GLIS1: variants seen among roughly 807,000 people sequenced by gnomAD.
The protein encoded by GLIS1 is GLIS family zinc finger 1, also known as zinc finger protein GLIS1.
A neutral mutation model predicts 63.8 loss-of-function variants in GLIS1; 24 were observed. The ratio of observed to expected loss-of-function variants is 0.38; its 90% CI spans 0.27 to 0.53. The LOEUF (loss-of-function observed/expected upper bound fraction) is 0.53, where lower values mean the gene tolerates loss of function less well. Among genes scored for constraint, GLIS1 ranks in the 20% least tolerant of loss-of-function variants. The probability of loss-of-function intolerance (pLI) is 0.85; values close to 1 mark genes in which losing one functional copy is unlikely to be tolerated. For missense variants in GLIS1, 1,036 were observed against 1,074.1 expected, an observed-to-expected ratio of 0.96 and a Z score of 0.50; for synonymous variants, 450 against 482.5, an observed-to-expected ratio of 0.93 and a Z score of 0.88.
At chr1:53,555,821 G>T (rs113815789) in intron 4 of GLIS1, among the ~76,000 whole-genome samples, 21,594 of 147,060 alleles carry the variant, frequency 0.15, 2,267 homozygotes, top group East Asian at 0.53. Flanking sequence ...GTGTATGCAG[G>T]TGTACTGCAG....
At position 53,560,945 on chromosome 1, in the gene GLIS1, C is replaced by A. The variant is rs540756602; in HGVS notation, c.1321-30993G>T. On this transcript the variant is annotated intron_variant, in intron 4 of 10. Transcript: ENST00000628545. This position sits in a 1 kb window ranked among gnomAD's most constrained non-coding sequence, Gnocchi z 4.4. ...CCAGGCAGAGCTCCAGAGAGGAGGCCGGGCCCACACTGGATGTCCGCTCCC... is the reference window on the plus strand; with the variant it reads ...CCAGGCAGAGCTCCAGAGAGGAGGCAGGGCCCACACTGGATGTCCGCTCCC... Among the ~76,000 whole-genome samples, 1 of 152,266 alleles carries A rather than the reference C, an allele frequency of 6.6e-6. No individual in the cohort carries two copies. Among genetic ancestry groups the A allele is most frequent in the Non-Finnish European group, 1.5e-5 (1 of 68,020 alleles).
intron 4 of GLIS1, among the ~76,000 whole-genome samples, chr1:53,536,033 C>T (rs1047197710): frequency 1.3e-5 from 2 of 152,122 alleles, no homozygotes; most frequent in Non-Finnish European, 2.9e-5. Context: ...GCTCATTTCA[C>T]TTGTCAGAGA....
chr1:53,534,086 G>A (rs1489999488), intron 4 of GLIS1, among the ~76,000 whole-genome samples: 4 of 152,026 alleles, frequency 2.6e-5, no homozygotes, highest in African/African-American at 7.3e-5. Flanking sequence ...TGGGGTGGGT[G>A]TGGCTTGAAG....
chr1:53,697,867 G>A (rs979358679), intron 2 of GLIS1, among the ~76,000 whole-genome samples: 3 of 152,212 alleles, frequency 2.0e-5, no homozygotes, highest in African/African-American at 2.4e-5. Context: ...GAGCCCATAA[G>A]AGGTGGAACT....
intron 2 of GLIS1, among the ~76,000 whole-genome samples, chr1:53,697,304 T>C (rs531469835): frequency 1.3e-5 from 2 of 152,354 alleles, no homozygotes; most frequent in East Asian, 3.9e-4. Flanking sequence ...TGGGACTTCC[T>C]TAGCTTGGCA....
At chr1:53,675,181 C>T (rs1000982443) in intron 2 of GLIS1, among the ~76,000 whole-genome samples, 1 of 152,174 alleles carries the variant, frequency 6.6e-6, no homozygotes, top group African/African-American at 2.4e-5. Context: ...TCCTGAAATT[C>T]CCCAAAATAG....
intron 2 of GLIS1, among the ~76,000 whole-genome samples, chr1:53,703,581 G>A (rs1324589467): frequency 2.0e-5 from 3 of 149,412 alleles, no homozygotes; most frequent in African/African-American, 7.4e-5. Flanking sequence ...CAAGGCTACA[G>A]TGAGCTATGA....
At chr1:53,613,186 G>A (rs970606798) in intron 2 of GLIS1, among the ~76,000 whole-genome samples, 5 of 152,162 alleles carry the variant, frequency 3.3e-5, no homozygotes, top group African/African-American at 4.8e-5. Context: ...AAGCTAATTT[G>A]CTATAGCAGA....
At chr1:53,715,912 C>A (rs930584570) in intron 2 of GLIS1, among the ~76,000 whole-genome samples, 5 of 152,222 alleles carry the variant, frequency 3.3e-5, no homozygotes, top group Admixed American at 3.3e-4. Flanking sequence ...GGGGATTAGA[C>A]GCAGGAAGGC....
chr1:53,551,612 G>A (rs916796750), intron 4 of GLIS1, among the ~76,000 whole-genome samples: 21 of 152,110 alleles, frequency 1.4e-4, no homozygotes, highest in African/African-American at 5.1e-4. Flanking sequence ...CCCGCGAAGG[G>A]GCTGCCTTTC....
At chr1:53,644,409 T>G (rs949616414) in intron 2 of GLIS1, among the ~76,000 whole-genome samples, 2 of 152,256 alleles carry the variant, frequency 1.3e-5, no homozygotes, top group Admixed American at 6.5e-5. Flanking sequence ...AAATCCTGGC[T>G]GTCATAGATG....
In GLIS1 at chr1:53,594,580, G is replaced by A; in HGVS notation, c.848C>T (p.Pro283Leu). ...VTCVNGLRSPPLTGDLGGPSK... is the reference protein window; with the variant it reads ...VTCVNGLRSPLLTGDLGGPSK... ...AGGGCCCCCCAGATCTCCCGTCAGAGGGGGGCTCCGGAGTCCATTTACACA... is the reference window on the plus strand; with the variant it reads ...AGGGCCCCCCAGATCTCCCGTCAGAAGGGGGCTCCGGAGTCCATTTACACA... Residue 283 changes from proline to leucine, a missense_variant, in exon 4 of 11, where the codon CCT becomes CTT. This residue lies in a region of GLIS1 where 592 missense variants were observed against 593.9 expected (regional missense o/e 1.00). Transcript: ENST00000628545. The A allele has an allele frequency of 6.3e-7, 1 of 1,593,874 alleles. No homozygotes were observed. The highest frequency in any genetic ancestry group is 8.6e-7 in the Non-Finnish European group (1 of 1,166,444).
At chr1:53,633,781 TG>T (rs1205115988) in intron 2 of GLIS1, among the ~76,000 whole-genome samples, 3 of 151,884 alleles carry the variant, frequency 2.0e-5, no homozygotes, top group Admixed American at 2.0e-4. Flanking sequence ...CACACCCAGG[TG>T]TGAGAATCAA....
chr1:53,576,544 G>A (rs1216680569), intron 4 of GLIS1, among the ~76,000 whole-genome samples: 1 of 152,010 alleles, frequency 6.6e-6, no homozygotes, highest in African/African-American at 2.4e-5. Flanking sequence ...CCCATCCACT[G>A]GGCCTCTCTG....
intron 2 of GLIS1, among the ~76,000 whole-genome samples, chr1:53,709,134 A>C (rs761420570): frequency 6.6e-6 from 1 of 152,048 alleles, no homozygotes; most frequent in African/African-American, 2.4e-5. Flanking sequence ...TGAATAAATG[A>C]GAGTAGGATC....
intron 2 of GLIS1, among the ~76,000 whole-genome samples, chr1:53,705,891 A>G (rs1037024335): frequency 6.6e-6 from 1 of 152,144 alleles, no homozygotes; most frequent in African/African-American, 2.4e-5. Flanking sequence ...AGGCCAAGGT[A>G]ATATCCCAGG....
chr1:53,523,956 G>A (rs760870449), intron 6 of GLIS1, among the ~76,000 whole-genome samples: 5 of 152,170 alleles, frequency 3.3e-5, no homozygotes, highest in Non-Finnish European at 5.9e-5. Flanking sequence ...CCCTCTCAGC[G>A]CCAGTCACTC....
At chr1:53,642,705 C>T (rs1429074910) in intron 2 of GLIS1, among the ~76,000 whole-genome samples, 4 of 152,162 alleles carry the variant, frequency 2.6e-5, no homozygotes, top group Non-Finnish European at 5.9e-5. Context: ...TTGTGTCTGC[C>T]ATTCCCTCTG....
chr1:53,726,300 C>A (rs1408434540), intron 2 of GLIS1, among the ~76,000 whole-genome samples: 1 of 152,150 alleles, frequency 6.6e-6, no homozygotes, highest in Non-Finnish European at 1.5e-5. Flanking sequence ...TTTAGCTTCT[C>A]CAGGCCTCAG....
Sources: allele counts gnomAD v4.1 joint callset (sites outside exome capture counted in the v4.1 genomes callset), GRCh38; gene constraint gnomAD v4.1.1; regional missense constraint gnomAD v4.1.1; non-coding constraint Gnocchi (gnomAD v3.1); transcripts MANE v1.5; gene names NCBI Gene and HGNC (gene_info 2026-07-23, HGNC 2026-07-21).